FTO: variants seen among roughly 807,000 people sequenced by gnomAD.
The protein encoded by FTO is alpha-ketoglutarate-dependent dioxygenase FTO.
Under a neutral mutation model 63.9 loss-of-function variants are expected in FTO, and 47 were observed. That is an observed-to-expected ratio of 0.74 (90% CI 0.58 to 0.94). FTO has a LOEUF of 0.94. Among genes scored for constraint, FTO ranks in the 40% least tolerant of loss-of-function variants. The probability of loss-of-function intolerance (pLI) is 0.00; values close to 1 mark genes in which losing one functional copy is unlikely to be tolerated. For missense variants in FTO, 562 were observed against 618.1 expected (o/e 0.91, Z 0.96); for synonymous variants, 207 against 224.4 (o/e 0.92, Z 0.69).
At chr16:53,714,181 G>A (rs2075841365) in intron 1 of FTO, among the ~76,000 whole-genome samples, 1 of 152,190 alleles carries the variant, frequency 6.6e-6, no homozygotes, top group Non-Finnish European at 1.5e-5. Flanking sequence ...TGTTGCCAGA[G>A]CATGAGTGTT....
At chr16:53,996,927 G>A (rs1164811153) in intron 8 of FTO, among the ~76,000 whole-genome samples, 4 of 152,020 alleles carry the variant, frequency 2.6e-5, no homozygotes, top group Non-Finnish European at 4.4e-5. Context: ...TGGCCAACAT[G>A]GTGAAACCCC....
In FTO at chr16:54,043,039, A is replaced by C. The variant is rs1306522221; in HGVS notation, c.1365-68723A>C. 4.7e-5 allele frequency among the ~76,000 whole-genome samples: 3 copies of C among 64,426 alleles called. 1 individual carries two copies. Among genetic ancestry groups the C allele is most frequent in the Non-Finnish European group, 7.2e-5 (3 of 41,850 alleles). 42.3% of individuals were successfully genotyped at this position (64,426 alleles called of 152,430 possible). A position where few individuals can be genotyped will look rare whatever the true frequency, so the allele number is the denominator to read the frequency against. On this transcript the variant is annotated intron_variant, in intron 8 of 8. Transcript: ENST00000471389. ...GAACAGAAAAACTGGAAACTCTAAA[A>C]TGCAGAGCGCCTCTCCTCCTCCAAA... is the stretch of plus-strand genomic sequence containing the variant.
chr16:53,938,119 AGT>A (rs1392324832), intron 8 of FTO, among the ~76,000 whole-genome samples: 1 of 152,260 alleles, frequency 6.6e-6, no homozygotes, highest in East Asian at 1.9e-4. Flanking sequence ...TTCCAAAAAA[AGT>A]GTGTCCATGT....
At chr16:53,827,905 A>G (rs1379193052) in intron 3 of FTO, among the ~76,000 whole-genome samples, 1 of 152,220 alleles carries the variant, frequency 6.6e-6, no homozygotes, top group Admixed American at 6.5e-5. Flanking sequence ...ACAACTCTCC[A>G]AACCTGAAGC....
At chr16:53,778,578 A>G (rs1167479659) in intron 1 of FTO, among the ~76,000 whole-genome samples, 1 of 152,208 alleles carries the variant, frequency 6.6e-6, no homozygotes, top group Non-Finnish European at 1.5e-5. Context: ...AATCTACTGC[A>G]CTATGCCAAT....
At chr16:53,741,235 C>G (rs1000904830) in intron 1 of FTO, among the ~76,000 whole-genome samples, 1 of 152,174 alleles carries the variant, frequency 6.6e-6, no homozygotes, top group Admixed American at 6.5e-5. Flanking sequence ...TTATTACTAT[C>G]TGGACCTTTA....
chr16:54,058,514 C>G (rs2085493514), intron 8 of FTO, among the ~76,000 whole-genome samples: 1 of 152,162 alleles, frequency 6.6e-6, no homozygotes, highest in Non-Finnish European at 1.5e-5. Context: ...GGAACAGGAC[C>G]AGGTACCAAA....
chr16:53,723,514 C>CAA (rs950697485), intron 1 of FTO, among the ~76,000 whole-genome samples: 2 of 152,166 alleles, frequency 1.3e-5, no homozygotes, highest in African/African-American at 2.4e-5. Flanking sequence ...CTAATGATCT[C>CAA]AAAGCACTTA....
intron 1 of FTO, among the ~76,000 whole-genome samples, chr16:53,749,270 T>C (rs2076722842): frequency 6.6e-6 from 1 of 152,140 alleles, no homozygotes; most frequent in Admixed American, 6.5e-5. Flanking sequence ...CAAACAGCAA[T>C]AGTTTTACTT....
At chr16:53,923,856 C>T (rs549627932) in intron 7 of FTO, among the ~76,000 whole-genome samples, 6 of 152,024 alleles carry the variant, frequency 3.9e-5, no homozygotes, top group South Asian at 4.2e-4. Context: ...TTCCAGCGGT[C>T]GCCCACATGA....
intron 1 of FTO, among the ~76,000 whole-genome samples, chr16:53,760,229 TGTGTGTGTGTGTGTGTGTGTGTGTGTG>T (rs780068567): frequency 0.31 from 21,237 of 67,686 alleles, 2,559 homozygotes; most frequent in African/African-American, 0.5. Flanking sequence ...TGTGTGTGTG[TGTGTGTGTGTGTGTGTGTGTGTGTGTG>T]TGTGTTTTTT....
chr16:53,895,395 G>A (rs751376954), intron 7 of FTO, among the ~76,000 whole-genome samples: 19 of 152,130 alleles, frequency 1.2e-4, no homozygotes, highest in Non-Finnish European at 1.9e-4. Flanking sequence ...AAAGCACAAA[G>A]GACTGTGTTT....
chr16:53,986,655 A>G (rs2083675268), intron 8 of FTO, among the ~76,000 whole-genome samples: 1 of 152,136 alleles, frequency 6.6e-6, no homozygotes, highest in Admixed American at 6.5e-5. Context: ...TGGAATTCTA[A>G]TTTCCAATTT....
At chr16:53,836,300 A>G (rs966466007) in intron 3 of FTO, among the ~76,000 whole-genome samples, 7 of 152,208 alleles carry the variant, frequency 4.6e-5, no homozygotes, top group South Asian at 2.1e-4. Context: ...GAAATGAAAC[A>G]TATCAGCGTC....
chr16:53,760,589 T>G lies in FTO; in HGVS notation c.46-49551T>G, dbSNP rs182976465. 2.4e-4 allele frequency among the ~76,000 whole-genome samples: 36 copies of G among 151,040 alleles called. No individual in the cohort carries two copies. In the East Asian group the frequency reaches 6.2e-3, roughly 26 times the overall value. On this transcript the variant is annotated intron_variant, in intron 1 of 8. Transcript: ENST00000471389. ...TGTTACATTACTTGCCATTCCTTTT[T>G]CATCTTTTAACATCTCTCATCTGCT... is the stretch of plus-strand genomic sequence containing the variant.
At position 54,119,817 on chromosome 16, in the gene FTO, G is replaced by A. The variant is rs73625217; in HGVS notation, c.*7902G>A. On this transcript the variant is annotated 3_prime_UTR_variant, in exon 9 of 9. Transcript: ENST00000471389. ...GTACATTGATTTCTCCCTGTGAGCA[G>A]CAACATAAGTTTGAAACTAACTGTG... is the stretch of plus-strand genomic sequence containing the variant. 1,990 of 152,286 alleles carry A rather than the reference G, an allele frequency of 0.013. 43 individuals carry two copies. The highest frequency in any genetic ancestry group is 0.043 in the African/African-American group (1,794 of 41,538). The allele number at this position is 152,286 out of a possible 1,614,324, so 9.4% of individuals were successfully genotyped here.
At chr16:53,979,527 G>C (rs2083495635) in intron 8 of FTO, 2 of 381,728 alleles carry the variant, frequency 5.2e-6, no homozygotes, top group Non-Finnish European at 9.2e-6. Context: ...TCTTTTTTAT[G>C]TTTATGGCTG....
intron 7 of FTO, among the ~76,000 whole-genome samples, chr16:53,891,664 T>TAC (rs1319641726): frequency 1.3e-5 from 2 of 152,170 alleles, no homozygotes; most frequent in African/African-American, 4.8e-5. Flanking sequence ...TTGTCTCACG[T>TAC]ACACACACAC....
At chr16:53,866,557 G>A (rs1378532764) in intron 4 of FTO, among the ~76,000 whole-genome samples, 1 of 152,082 alleles carries the variant, frequency 6.6e-6, no homozygotes, top group East Asian at 1.9e-4. Flanking sequence ...ATAGAGATAG[G>A]CCTATTCATA....
Sources: gnomAD v4.1 joint callset for allele counts (sites outside exome capture counted in the v4.1 genomes callset) on GRCh38, gnomAD v4.1.1 for gene constraint, MANE v1.5 for transcripts, NCBI Gene and HGNC (gene_info 2026-07-23, HGNC 2026-07-21) for gene names.